Variants in TG observed in about 807,000 individuals in gnomAD.
TG encodes the protein thyroglobulin, also known as thyroid hormones.
TG carries 270 observed loss-of-function variants against 324.7 expected under a neutral mutation model. The observed-to-expected ratio is 0.83, with a 90% CI of 0.75 to 0.92. The LOEUF is 0.92. TG is among the 40% of genes least tolerant of loss of function. TG has a pLI of 0.00. For synonymous variants in TG, 1,401 were observed against 1,327.0 expected (o/e 1.06, Z -1.21); for missense variants, 3,591 against 3,456.4 (o/e 1.04, Z -0.98).
At chr8:132,908,633 T>G (rs1819044986) in intron 18 of TG, among the ~76,000 whole-genome samples, 2 of 152,100 alleles carry the variant, frequency 1.3e-5, no homozygotes, top group Admixed American at 1.3e-4. Flanking sequence ...CAGAGGAGCC[T>G]GGCTAGAGTT....
At chr8:133,066,692 G>A (rs892033418) in intron 41 of TG, among the ~76,000 whole-genome samples, 3 of 152,214 alleles carry the variant, frequency 2.0e-5, no homozygotes, top group Non-Finnish European at 4.4e-5. Context: ...CCTACTGGCT[G>A]TGTATCGCTG....
chr8:133,049,671 A>G, intron 41 of TG: 1 of 529,660 alleles, frequency 1.9e-6, no homozygotes, highest in African/African-American at 1.9e-5. Flanking sequence ...GTTAGAGCTG[A>G]AAGGTCCAAC....
rs550565350 is a variant in TG at position 132,964,706 on chromosome 8, C to T, written c.5548+1632C>T. The T allele has an allele frequency of 1.7e-5, 10 of 586,916 alleles. No individual in the cohort carries two copies. The South Asian group carries it at 2.1e-4, about 12-fold the overall frequency. The allele number at this position is 586,916 out of a possible 1,614,324, so 36.4% of individuals were successfully genotyped here. On this transcript the variant is annotated intron_variant, in intron 29 of 47. Transcript: ENST00000220616. ...TATAAGATGAAGTGGCTACAGTATT[C>T]ATTCTTTCATCCAACCAGACATTTT...
intron 43 of TG, among the ~76,000 whole-genome samples, chr8:133,107,964 T>TTTTTC (rs1256636052): frequency 1.3e-5 from 2 of 149,600 alleles, no homozygotes; most frequent in Non-Finnish European, 3.0e-5. Flanking sequence ...GGGCCAGTCC[T>TTTTTC]TTTTCTTTTC....
intron 11 of TG, among the ~76,000 whole-genome samples, chr8:132,894,949 C>T (rs1166081828): frequency 2.0e-4 from 31 of 152,210 alleles, no homozygotes; most frequent in Non-Finnish European, 1.5e-5. Context: ...AAGTGATAAC[C>T]AGTGGGCCTG....
intron 26 of TG, 87 bp downstream of exon 26, chr8:132,941,629 A>G: frequency 3.3e-6 from 5 of 1,512,358 alleles, no homozygotes; most frequent in Non-Finnish European, 4.6e-6. Context: ...ATGGAGCTGC[A>G]TGGGGAGTAC....
At chr8:133,088,303 A>G (rs1846943890) in intron 41 of TG, among the ~76,000 whole-genome samples, 1 of 152,106 alleles carries the variant, frequency 6.6e-6, no homozygotes, top group Non-Finnish European at 1.5e-5. Flanking sequence ...CCACCCTTGC[A>G]AAAACCTTGC....
At chr8:133,067,634 G>C (rs139292268) in intron 41 of TG, among the ~76,000 whole-genome samples, 2 of 152,178 alleles carry the variant, frequency 1.3e-5, no homozygotes, top group African/African-American at 4.8e-5. Context: ...AAATTAGCTG[G>C]GTGTGGTGGC....
At chr8:132,961,768 A>ATCCT (rs746684535) in intron 28 of TG, among the ~76,000 whole-genome samples, 3 of 10,772 alleles carry the variant, frequency 2.8e-4, no homozygotes, top group Non-Finnish European at 4.6e-4. Context: ...GAGGCATGAG[A>ATCCT]AAAAGCCTCT....
At position 132,893,687 on chromosome 8, in the gene TG, T is replaced by A. The variant is rs1816678771; in HGVS notation, c.2762-3T>A. 6.2e-7 allele frequency: 1 copy of A among 1,613,640 alleles called. No individual in the cohort carries two copies. Among genetic ancestry groups the A allele is most frequent in the African/African-American group, 1.3e-5 (1 of 74,786 alleles). On this transcript the variant is annotated splice_polypyrimidine_tract_variant and splice_region_variant and intron_variant, in intron 10 of 47. Transcript: ENST00000220616. Reference sequence around the variant, plus strand: ...TCCATCTGTGTTATTTTTATTCCCCTAGGTCCTGGCTCCTGTGAGGAAGCA... The same window carrying A: ...TCCATCTGTGTTATTTTTATTCCCCAAGGTCCTGGCTCCTGTGAGGAAGCA...
intron 27 of TG, among the ~76,000 whole-genome samples, chr8:132,951,881 C>T (rs1399082929): frequency 6.6e-6 from 1 of 152,114 alleles, no homozygotes; most frequent in Non-Finnish European, 1.5e-5. Flanking sequence ...CTGATAGATA[C>T]CCTTTTCTAA....
chr8:133,027,951 G>A (rs1836260345), intron 40 of TG, among the ~76,000 whole-genome samples: 2 of 152,224 alleles, frequency 1.3e-5, no homozygotes, highest in Admixed American at 1.3e-4. Context: ...GACTAGGTAG[G>A]ATCTCTCTTG....
intron 41 of TG, among the ~76,000 whole-genome samples, chr8:133,065,396 G>T (rs949910959): frequency 3.9e-5 from 6 of 152,228 alleles, no homozygotes; most frequent in African/African-American, 1.4e-4. Flanking sequence ...CACCAGTGCT[G>T]CCCTGTTTTG....
chr8:132,897,461 G>A (rs941731398), intron 11 of TG, among the ~76,000 whole-genome samples, 188 bp from the exon 12 acceptor site: 1 of 152,170 alleles, frequency 6.6e-6, no homozygotes, highest in African/African-American at 2.4e-5. Flanking sequence ...TATTCTTAAA[G>A]GACAATCTGT....
intron 41 of TG, among the ~76,000 whole-genome samples, chr8:133,073,729 C>T (rs1844432183): frequency 2.0e-5 from 3 of 152,024 alleles, no homozygotes; most frequent in Non-Finnish European, 1.5e-5. Flanking sequence ...TCAAGGGCAC[C>T]ACTTTAAACA....
chr8:132,873,041 T>A, intron 4 of TG, 21 bp from the exon 5 acceptor site: 2 of 1,614,054 alleles, frequency 1.2e-6, no homozygotes, highest in Non-Finnish European at 1.7e-6. Context: ...ATAAGGATTT[T>A]TTTTTCGTGA....
rs1017682388 is a variant in TG at position 132,900,111 on chromosome 8, A to G, written c.3331-126A>G. On this transcript the variant is annotated intron_variant, in intron 14 of 47. Transcript: ENST00000220616. ...GGAGAGCACCTCTCCCCACCTCCAC[A>G]TCTCTCCGTCTGGAGAAGCCATCAC... 5.2e-6 allele frequency: 4 copies of G among 772,418 alleles called. No individual in the cohort carries two copies. The Admixed American group carries it at 8.1e-5, about 16-fold the overall frequency. The allele number at this position is 772,418 out of a possible 1,614,324, so 47.8% of individuals were successfully genotyped here.
At chr8:133,017,716 G>A in intron 37 of TG, 62 bp from the exon 38 acceptor site, 1 of 1,485,832 alleles carries the variant, frequency 6.7e-7, no homozygotes, top group Non-Finnish European at 9.4e-7. Flanking sequence ...GAATGCCAGT[G>A]GAGAGAGCAC....
intron 35 of TG, among the ~76,000 whole-genome samples, chr8:133,008,218 T>G (rs1328405800): frequency 6.6e-6 from 1 of 152,190 alleles, no homozygotes; most frequent in African/African-American, 2.4e-5. Context: ...ATGGTAAATT[T>G]TATCCAAAAG....
Sources: gnomAD v4.1 joint callset for allele counts (sites outside exome capture counted in the v4.1 genomes callset) on GRCh38, gnomAD v4.1.1 for gene constraint, MANE v1.5 for transcripts, NCBI Gene and HGNC (gene_info 2026-07-23, HGNC 2026-07-21) for gene names.